The following TNFAIP8L1 variants were observed in gnomAD, a reference collection of about 807,000 sequenced individuals.
TNFAIP8L1 encodes the protein TNF alpha induced protein 8 like 1.
For missense variants in TNFAIP8L1, 225 were observed against 266.1 expected (o/e 0.85, Z 1.08); for synonymous variants, 127 against 125.6 (o/e 1.01, Z -0.08).
At position 4,653,932 on chromosome 19, in the gene TNFAIP8L1, C is replaced by T. The variant is rs1568283894; in HGVS notation, c.*1502C>T. 6.6e-6 allele frequency: 1 copy of T among 151,780 alleles called. No homozygotes were observed. Among genetic ancestry groups the T allele is most frequent in the East Asian group, 1.9e-4 (1 of 5,188 alleles). The allele number at this position is 151,780 out of a possible 1,614,324, so 9.4% of individuals were successfully genotyped here. A position where few individuals can be genotyped will look rare whatever the true frequency, so the allele number is the denominator to read the frequency against. ...CACTCCAGCTTGGGTGAGAGTGGGACTCTGTCTTAGAAAGAAAAAAAAAAG... is the reference window on the plus strand; with the variant it reads ...CACTCCAGCTTGGGTGAGAGTGGGATTCTGTCTTAGAAAGAAAAAAAAAAG... On this transcript the variant is annotated 3_prime_UTR_variant, in exon 2 of 2. Transcript: ENST00000327473.
chr19:4,652,028 CA>C lies in TNFAIP8L1; in HGVS notation c.161del (p.Lys54ArgfsTer15). On this transcript the variant is annotated frameshift_variant, in exon 2 of 2. Transcript: ENST00000327473. LOFTEE classifies it low-confidence loss of function (END_TRUNC). The part of the protein sequence containing the change: ...RATREFTRSR[K>X]EAQKMLKNLV... ...CCACCAGGGAGTTCACGCGCAGCCG[CA>C]AGGAGGCCCAGAAGATGCTCAAGAA... 1 of 1,613,986 alleles carries C rather than the reference CA, an allele frequency of 6.2e-7. No individual in the cohort carries two copies. Among genetic ancestry groups the C allele is most frequent in the Non-Finnish European group, 8.5e-7 (1 of 1,179,932 alleles).
At chr19:4,648,755 C>T (rs917109180) in intron 1 of TNFAIP8L1, among the ~76,000 whole-genome samples, 6 of 152,094 alleles carry the variant, frequency 3.9e-5, no homozygotes, top group Non-Finnish European at 8.8e-5. Flanking sequence ...ACGGAGCTCC[C>T]GAGATGGGCA....
chr19:4,645,967 G>C lies in TNFAIP8L1; in HGVS notation c.-3-5900G>C, dbSNP rs1254661962. On this transcript the variant is annotated intron_variant, in intron 1 of 1. Coordinates refer to ENST00000327473, the MANE Select transcript of TNFAIP8L1 (RefSeq NM_152362.3). The surrounding 1 kb of genome is among the most constrained non-coding windows in gnomAD (Gnocchi z 4.1). ...TTGCACAGGCTGTGCCCTTTGCCTG[G>C]AGCATCTTCCCGCAGACCCTGTCAT... Among the ~76,000 whole-genome samples the C allele has an allele frequency of 2.0e-5, 3 of 151,998 alleles. No homozygotes were observed. Among genetic ancestry groups the C allele is most frequent in the Admixed American group, 2.0e-4 (3 of 15,276 alleles).
intron 1 of TNFAIP8L1, chr19:4,640,349 C>T (rs1031409384): frequency 6.6e-6 from 1 of 152,308 alleles, no homozygotes; most frequent in Non-Finnish European, 1.5e-5. Flanking sequence ...TTCCCAGCAC[C>T]TTCTCTATGG....
rs1274148900 is a variant in TNFAIP8L1, at chr19:4,652,368, C to T, written c.499C>T (p.Arg167Cys). 2.2e-5 allele frequency: 35 copies of T among 1,555,790 alleles called. No homozygotes were observed. The highest frequency in any genetic ancestry group is 2.9e-5 in the Non-Finnish European group (33 of 1,152,826). The stretch of plus-strand genomic sequence containing the variant: ...GCTCTACGGCCCCGCCGAGCCCTAC[C>T]GCTCCCACCTGCGCAGGATCTGCGA... ...AALYGPAEPY[R>C]SHLRRICEGL... The change falls in exon 2 of 2, where the codon CGC becomes TGC. Residue 167 changes from arginine to cysteine, a missense_variant. Coordinates refer to ENST00000327473, the MANE Select transcript of TNFAIP8L1 (RefSeq NM_152362.3).
At chr19:4,640,987 G>A (rs1005509039) in intron 1 of TNFAIP8L1, 1 of 148,948 alleles carries the variant, frequency 6.7e-6, no homozygotes, top group African/African-American at 2.4e-5. Context: ...AGCAGCCTGG[G>A]ATACAGGTGG....
chr19:4,643,872 T>C (rs149006998), intron 1 of TNFAIP8L1, among the ~76,000 whole-genome samples: 2 of 151,268 alleles, frequency 1.3e-5, no homozygotes, highest in Non-Finnish European at 2.9e-5. Flanking sequence ...GAGGTGGAGG[T>C]TGCAGTGGGC....
At chr19:4,643,204 A>G (rs909772785) in intron 1 of TNFAIP8L1, among the ~76,000 whole-genome samples, 2 of 151,422 alleles carry the variant, frequency 1.3e-5, no homozygotes, top group Non-Finnish European at 2.9e-5. Flanking sequence ...ACCTGAACCC[A>G]GGAGGCGGAG....
chr19:4,641,831 T>C lies in TNFAIP8L1; in HGVS notation c.-4+2202T>C, dbSNP rs2088264076. On this transcript the variant is annotated intron_variant, in intron 1 of 1. Transcript: ENST00000327473. This position sits in a 1 kb window ranked among gnomAD's most constrained non-coding sequence, Gnocchi z 4.6. ...ACCCCAAATGTGCCATTGACTAGGA[T>C]GAGGAAAGGATTGCACTAGGTTAAA... 6.6e-6 allele frequency: 1 copy of C among 152,208 alleles called. No individual in the cohort carries two copies. Among genetic ancestry groups the C allele is most frequent in the Non-Finnish European group, 1.5e-5 (1 of 68,046 alleles). The allele number at this position is 152,208 out of a possible 1,614,324, so 9.4% of individuals were successfully genotyped here. A position where few individuals can be genotyped will look rare whatever the true frequency, so the allele number is the denominator to read the frequency against.
At chr19:4,651,777 A>T (rs2088366334) in intron 1 of TNFAIP8L1, 90 bp from the exon 2 acceptor site, 1 of 1,380,980 alleles carries the variant, frequency 7.2e-7, no homozygotes, top group Non-Finnish European at 9.8e-7. Flanking sequence ...AAATTCCGTT[A>T]GGCCCTCTGG....
At position 4,651,962 on chromosome 19, in the gene TNFAIP8L1, G is replaced by GCT. The variant is rs770590323; in HGVS notation, c.93_94insCT (p.Asp32LeufsTer38). On this transcript the variant is annotated frameshift_variant, in exon 2 of 2. Transcript: ENST00000327473. LOFTEE classifies it low-confidence loss of function (END_TRUNC). Reference sequence around the variant, plus strand: ...CCAAGGCAGTGGTGGCCGTGCTGGTGGATGACACCAGCAGTGAGGTGCTGG... The same window carrying GCT: ...CCAAGGCAGTGGTGGCCGTGCTGGTGCTGATGACACCAGCAGTGAGGTGCTGG... The GCT allele has an allele frequency of 1.9e-6, 3 of 1,614,104 alleles. No homozygotes were observed. The South Asian group carries it at 3.3e-5, about 18-fold the overall frequency.
chr19:4,643,517 C>A (rs1022194531), intron 1 of TNFAIP8L1, among the ~76,000 whole-genome samples: 3 of 152,222 alleles, frequency 2.0e-5, no homozygotes, highest in Admixed American at 6.5e-5. Flanking sequence ...CCGCCACAAC[C>A]CAGCAGGCAG....
At position 4,641,990 on chromosome 19, in the gene TNFAIP8L1, GGTGAAACCCTGTCTCTAC is replaced by G; in HGVS notation, c.-4+2362_-4+2379del. The G allele has an allele frequency of 1.3e-5, 2 of 152,172 alleles. No individual in the cohort carries two copies. The highest frequency in any genetic ancestry group is 4.8e-5 in the African/African-American group (2 of 41,396). The allele number at this position is 152,172 out of a possible 1,614,324, so 9.4% of individuals were successfully genotyped here. On this transcript the variant is annotated intron_variant, in intron 1 of 1. Transcript: ENST00000327473. This position sits in a 1 kb window ranked among gnomAD's most constrained non-coding sequence, Gnocchi z 4.6. The stretch of plus-strand genomic sequence containing the variant: ...GAGAATTTCCCAGCCTGGGCAACAT[GGTGAAACCCTGTCTCTAC>G]TTAAAACAAAGAAAAAAAAATTAGC...
chr19:4,648,850 C>T lies in TNFAIP8L1; in HGVS notation c.-3-3017C>T, dbSNP rs543426587. Among the ~76,000 whole-genome samples, 15 of 151,688 alleles carry T rather than the reference C, an allele frequency of 9.9e-5. No individual in the cohort carries two copies. In the East Asian group the frequency reaches 2.5e-3, roughly 25 times the overall value. ...AGGCCTTTTCCTCTTCGAGTCCCCT[C>T]GGTTTATTCATCTATGAACTGGGGA... On this transcript the variant is annotated intron_variant, in intron 1 of 1. Coordinates refer to ENST00000327473, the MANE Select transcript of TNFAIP8L1 (RefSeq NM_152362.3).
At chr19:4,646,876 C>T (rs976260486) in intron 1 of TNFAIP8L1, among the ~76,000 whole-genome samples, 2 of 152,208 alleles carry the variant, frequency 1.3e-5, no homozygotes, top group African/African-American at 2.4e-5. Context: ...GTGATCCGCC[C>T]GCCTCGGCCT....
At chr19:4,647,349 C>CT in intron 1 of TNFAIP8L1, among the ~76,000 whole-genome samples, 1 of 151,990 alleles carries the variant, frequency 6.6e-6, no homozygotes, top group Non-Finnish European at 1.5e-5. Context: ...GAGTCTCGCT[C>CT]TATCACCCAG....
At chr19:4,650,909 A>G (rs897359664) in intron 1 of TNFAIP8L1, among the ~76,000 whole-genome samples, 12 of 152,168 alleles carry the variant, frequency 7.9e-5, no homozygotes, top group Admixed American at 2.0e-4. Flanking sequence ...GCGTGAGCCC[A>G]GGAGGCGGAG....
intron 1 of TNFAIP8L1, among the ~76,000 whole-genome samples, chr19:4,646,774 G>A (rs2088315223): frequency 6.6e-6 from 1 of 152,136 alleles, no homozygotes; most frequent in African/African-American, 2.4e-5. Flanking sequence ...AGGATTACAG[G>A]TGCCCGCCAC....
intron 1 of TNFAIP8L1, among the ~76,000 whole-genome samples, chr19:4,650,313 T>A (rs1386936005): frequency 6.6e-6 from 1 of 151,324 alleles, no homozygotes. Context: ...GGGCCAGGCT[T>A]TGGGGGGTGT....
Sources: gnomAD v4.1 joint callset for allele counts (sites outside exome capture counted in the v4.1 genomes callset) on GRCh38, gnomAD v4.1.1 for gene constraint, Gnocchi (gnomAD v3.1) non-coding constraint, MANE v1.5 for transcripts, NCBI Gene and HGNC (gene_info 2026-07-23, HGNC 2026-07-21) for gene names.